PGM1: variants seen among roughly 807,000 people sequenced by gnomAD.
The protein encoded by PGM1 is phosphoglucomutase-1.
A neutral mutation model predicts 55.6 loss-of-function variants in PGM1; 52 were observed. The ratio of observed to expected loss-of-function variants is 0.94; its 90% CI spans 0.75 to 1.18. The LOEUF (loss-of-function observed/expected upper bound fraction) is 1.18. Among genes scored for constraint, PGM1 ranks in the 50% most tolerant of loss-of-function variants. The pLI, the probability that PGM1 is intolerant of heterozygous loss-of-function variation, is 0.00. For synonymous variants in PGM1, 287 were observed against 271.7 expected (o/e 1.06, Z -0.55); for missense variants, 724 against 729.3 (o/e 0.99, Z 0.08).
intron 1 of PGM1, among the ~76,000 whole-genome samples, chr1:63,619,065 C>T (rs781580082): frequency 6.6e-6 from 1 of 152,162 alleles, no homozygotes; most frequent in Non-Finnish European, 1.5e-5. Flanking sequence ...TGCCCCACAG[C>T]TCATAAGTTT....
At chr1:63,603,915 A>G (rs1415577836) in intron 1 of PGM1, among the ~76,000 whole-genome samples, 1 of 152,208 alleles carries the variant, frequency 6.6e-6, no homozygotes, top group Non-Finnish European at 1.5e-5. Flanking sequence ...GAAGTTCTAT[A>G]TACAACAGTT....
intron 10 of PGM1, chr1:63,655,886 T>G (rs1435075308): frequency 6.6e-6 from 1 of 152,394 alleles, no homozygotes; most frequent in African/African-American, 2.4e-5. Flanking sequence ...GGCATCAATA[T>G]GGTACCTCCC....
At chr1:63,615,881 G>A (rs1283842684) in intron 1 of PGM1, among the ~76,000 whole-genome samples, 1 of 151,906 alleles carries the variant, frequency 6.6e-6, no homozygotes, top group East Asian at 1.9e-4. Context: ...AAAACTTAAA[G>A]GGGCACAATT....
At chr1:63,639,956 C>A (rs971808021) in intron 7 of PGM1, among the ~76,000 whole-genome samples, 2 of 152,182 alleles carry the variant, frequency 1.3e-5, no homozygotes, top group Non-Finnish European at 2.9e-5. Flanking sequence ...CTGGATGAGT[C>A]TTGGGGTTGA....
chr1:63,618,919 C>G (rs1460612457), intron 1 of PGM1, among the ~76,000 whole-genome samples: 1 of 152,138 alleles, frequency 6.6e-6, no homozygotes, highest in Non-Finnish European at 1.5e-5. Flanking sequence ...TCTGATTCTT[C>G]CCGTACATCA....
intron 1 of PGM1, among the ~76,000 whole-genome samples, chr1:63,610,205 T>C (rs1648529367): frequency 6.6e-6 from 1 of 152,198 alleles, no homozygotes; most frequent in Non-Finnish European, 1.5e-5. Context: ...GTTTTGTGAA[T>C]TCTAAGGTGC....
intron 1 of PGM1, among the ~76,000 whole-genome samples, chr1:63,620,433 A>C: frequency 6.6e-6 from 1 of 152,096 alleles, no homozygotes; most frequent in East Asian, 1.9e-4. Flanking sequence ...CTTTCTTTCT[A>C]GTGCTTATGC....
intron 1 of PGM1, among the ~76,000 whole-genome samples, chr1:63,625,881 G>T (rs1030494196): frequency 6.6e-6 from 1 of 152,172 alleles, no homozygotes; most frequent in African/African-American, 2.4e-5. Flanking sequence ...TCAGTCCCCA[G>T]AGCTCTAAAC....
At chr1:63,607,579 T>C (rs2100962972) in intron 1 of PGM1, among the ~76,000 whole-genome samples, 1 of 152,310 alleles carries the variant, frequency 6.6e-6, no homozygotes, top group Admixed American at 6.5e-5. Context: ...GCAGACTCTC[T>C]GTCCACAGCA....
intron 1 of PGM1, among the ~76,000 whole-genome samples, chr1:63,596,994 A>T (rs767473272): frequency 2.5e-4 from 38 of 152,236 alleles, no homozygotes; most frequent in Admixed American, 9.2e-4. Context: ...AACATTTATT[A>T]TGTGCTTGCT....
At chr1:63,624,714 A>G (rs1648976192) in intron 1 of PGM1, among the ~76,000 whole-genome samples, 1 of 152,206 alleles carries the variant, frequency 6.6e-6, no homozygotes, top group Admixed American at 6.5e-5. Flanking sequence ...TGGTAGATAA[A>G]ATGTAGTATT....
In PGM1 at chr1:63,638,684, G is replaced by A. The variant is rs1345105605; in HGVS notation, c.1029-1G>A. 6.2e-6 allele frequency: 10 copies of A among 1,607,074 alleles called. No individual in the cohort carries two copies. The highest frequency in any genetic ancestry group is 7.7e-6 in the Non-Finnish European group (9 of 1,173,606). Reference sequence around the variant, plus strand: ...GTAACTTTGATTTCATGCCTTTGAAGGGTGGCTAGTGCTACAAAGATTGCT... The same window carrying A: ...GTAACTTTGATTTCATGCCTTTGAAAGGTGGCTAGTGCTACAAAGATTGCT... On this transcript the variant is annotated splice_acceptor_variant, in intron 6 of 10. Coordinates refer to ENST00000371084, the MANE Select transcript of PGM1 (RefSeq NM_002633.3). LOFTEE classifies it high-confidence loss of function.
chr1:63,618,840 C>G (rs1251958017), intron 1 of PGM1, among the ~76,000 whole-genome samples: 1 of 152,188 alleles, frequency 6.6e-6, no homozygotes, highest in African/African-American at 2.4e-5. Context: ...TCTGATGAAT[C>G]TGCAAGCCCT....
rs1041492027 is a variant in PGM1 at position 63,629,680 on chromosome 1, A to G, written c.409+93A>G. 3.8e-6 allele frequency: 5 copies of G among 1,321,980 alleles called. No homozygotes were observed. In the African/African-American group the frequency reaches 5.8e-5, roughly 15 times the overall value. 81.9% of individuals were successfully genotyped at this position (1,321,980 alleles called of 1,614,324 possible). On this transcript the variant is annotated intron_variant, in intron 2 of 10. Coordinates refer to ENST00000371084, the MANE Select transcript of PGM1 (RefSeq NM_002633.3). ...TTGGGAGACCAGGGTTTTGGTTCTG[A>G]TCCTTTGCAGGGGGTAGGGAGGTGC...
chr1:63,651,885 G>A (rs1199088653), intron 9 of PGM1, 33 bp downstream of exon 9: 31 of 1,576,196 alleles, frequency 2.0e-5, no homozygotes, highest in Middle Eastern at 1.7e-4. Context: ...GTGAGAGAGA[G>A]ACCTCAGAGC....
intron 4 of PGM1, among the ~76,000 whole-genome samples, chr1:63,633,938 T>A (rs867925645): frequency 0.11 from 8,403 of 73,552 alleles, 1,273 homozygotes; most frequent in Non-Finnish European, 0.15. Flanking sequence ...ATATATTTTT[T>A]TTTTTTTTTT....
At chr1:63,633,550 C>G (rs1649254538) in intron 4 of PGM1, among the ~76,000 whole-genome samples, 1 of 152,092 alleles carries the variant, frequency 6.6e-6, no homozygotes, top group Non-Finnish European at 1.5e-5. Context: ...TAGTACCATC[C>G]TTGATGAAAA....
chr1:63,608,533 T>C (rs989087555), intron 1 of PGM1, among the ~76,000 whole-genome samples: 5 of 152,148 alleles, frequency 3.3e-5, no homozygotes, highest in Non-Finnish European at 7.4e-5. Flanking sequence ...TCTGGGATGG[T>C]ATAACTGGGT....
intron 1 of PGM1, among the ~76,000 whole-genome samples, chr1:63,600,712 C>T (rs763587356): frequency 3.3e-5 from 5 of 151,968 alleles, no homozygotes; most frequent in East Asian, 1.9e-4. Flanking sequence ...TGCAGATATC[C>T]GTGAAAAGAC....
Sources: gnomAD v4.1 joint callset for allele counts (sites outside exome capture counted in the v4.1 genomes callset) on GRCh38, gnomAD v4.1.1 for gene constraint, MANE v1.5 for transcripts, NCBI Gene and HGNC (gene_info 2026-07-23, HGNC 2026-07-21) for gene names.